Variants in TG observed in about 807,000 individuals in gnomAD.
TG encodes the protein thyroid hormones.
Under a neutral mutation model 324.7 loss-of-function variants are expected in TG, and 270 were observed. The ratio of observed to expected loss-of-function variants is 0.83; its 90% CI spans 0.75 to 0.92. The LOEUF is 0.92. TG is among the 40% of genes least tolerant of loss of function. The pLI is 0.00. For missense variants in TG, 3,591 were observed against 3,456.4 expected (o/e 1.04, Z -0.98); for synonymous variants, 1,401 against 1,327.0 (o/e 1.06, Z -1.21).
intron 41 of TG, among the ~76,000 whole-genome samples, chr8:133,090,356 C>G (rs1236058981): frequency 6.6e-6 from 1 of 152,168 alleles, no homozygotes; most frequent in Non-Finnish European, 1.5e-5. Context: ...GAGAATTTCT[C>G]CCTGAAAAGA....
chr8:132,937,838 G>T (rs899213676), intron 25 of TG, among the ~76,000 whole-genome samples: 1 of 151,614 alleles, frequency 6.6e-6, no homozygotes, highest in Non-Finnish European at 1.5e-5. Context: ...CTGAAAGTTT[G>T]TACTTTGGGG....
At chr8:133,069,757 T>G (rs950188522) in intron 41 of TG, among the ~76,000 whole-genome samples, 4 of 151,704 alleles carry the variant, frequency 2.6e-5, no homozygotes, top group Non-Finnish European at 4.4e-5. Flanking sequence ...TCCCAGCACT[T>G]TAGGAGGCTG....
At chr8:132,867,181 A>T in intron 1 of TG, 114 bp downstream of exon 1, 1 of 938,972 alleles carries the variant, frequency 1.1e-6, no homozygotes, top group Non-Finnish European at 1.6e-6. Context: ...AAATTCCCAC[A>T]TGTCAGTGAT....
At chr8:132,953,464 G>A (rs1485190745) in intron 27 of TG, among the ~76,000 whole-genome samples, 1 of 152,194 alleles carries the variant, frequency 6.6e-6, no homozygotes, top group Non-Finnish European at 1.5e-5. Context: ...GCCCACCTTA[G>A]TGGACTGACA....
At chr8:133,108,970 G>C (rs141963103) in intron 43 of TG, among the ~76,000 whole-genome samples, 1 of 152,180 alleles carries the variant, frequency 6.6e-6, no homozygotes, top group South Asian at 2.1e-4. Context: ...TGCATGTTTC[G>C]TTGGGATCTG....
At chr8:133,107,987 T>TCTTTTCCTC (rs1564199219) in intron 43 of TG, among the ~76,000 whole-genome samples, 19 of 139,918 alleles carry the variant, frequency 1.4e-4, no homozygotes, top group South Asian at 7.0e-4. Context: ...TTCTTCTTTT[T>TCTTTTCCTC]TTTTTTTTTT....
chr8:132,998,978 A>G (rs1026247503), intron 35 of TG, among the ~76,000 whole-genome samples: 28 of 152,174 alleles, frequency 1.8e-4, no homozygotes, highest in African/African-American at 6.8e-4. Context: ...ATGACTAGGC[A>G]TTCTCAGTTA....
rs930224761 is a variant in TG, at chr8:133,013,886, G to C, written c.6562+122G>C. The C allele has an allele frequency of 2.5e-6, 3 of 1,203,614 alleles. No homozygotes were observed. The African/African-American group carries it at 4.5e-5, about 18-fold the overall frequency. 74.6% of individuals were successfully genotyped at this position (1,203,614 alleles called of 1,614,324 possible). On this transcript the variant is annotated intron_variant, in intron 37 of 47. Coordinates refer to ENST00000220616, the MANE Select transcript of TG (RefSeq NM_003235.5). ...GTTGGCCAAAGTTCTGGGCTAGGTG[G>C]CACTCACTTGAGGTAGACTGAAGGA...
chr8:133,049,464 GTCGTT>G (rs1840026154), intron 41 of TG: 1 of 286,874 alleles, frequency 3.5e-6, no homozygotes. Context: ...TATTATCCCT[GTCGTT>G]CTATGTTATG....
At chr8:133,112,094 TCACCCAGGAGTGGCTGTGCC>T (rs61380145) in intron 43 of TG, among the ~76,000 whole-genome samples, 148,514 of 149,222 alleles carry the variant, frequency 1, 73,907 homozygotes, top group Middle Eastern at 1. Flanking sequence ...GTGGTTGTGT[TCACCCAGGAGTGGCTGTGCC>T]CACCCAGGAG....
At chr8:133,131,026 C>T (rs535537353) in intron 45 of TG, among the ~76,000 whole-genome samples, 5 of 152,292 alleles carry the variant, frequency 3.3e-5, no homozygotes, top group Admixed American at 2.6e-4. Context: ...TCAACAAGAC[C>T]GGCAGTGGGG....
intron 47 of TG, among the ~76,000 whole-genome samples, chr8:133,134,141 G>A (rs1852170482): frequency 6.6e-6 from 1 of 152,200 alleles, no homozygotes. Context: ...TGGGAATAGA[G>A]AGTAAACACA....
chr8:133,067,199 G>A (rs1375030085), intron 41 of TG, among the ~76,000 whole-genome samples: 3 of 152,178 alleles, frequency 2.0e-5, no homozygotes, highest in Admixed American at 6.5e-5. Context: ...CTCTGAGTGC[G>A]AGGCTGGGGG....
chr8:132,944,017 G>T (rs2739073), intron 26 of TG, among the ~76,000 whole-genome samples: 85,863 of 151,904 alleles, frequency 0.57, 24,757 homozygotes, highest in Admixed American at 0.62. Context: ...ATCCATACAC[G>T]CATCTGCTGT....
intron 26 of TG, among the ~76,000 whole-genome samples, chr8:132,948,296 CGAGAGCGAGAGT>C (rs377280888): frequency 4.7e-5 from 7 of 150,234 alleles, no homozygotes; most frequent in Admixed American, 6.6e-5. Context: ...CGAGAGTGAG[CGAGAGCGAGAGT>C]GAGAGCGAGA....
chr8:132,886,312 A>C, intron 8 of TG, 136 bp from the exon 9 acceptor site: 1 of 1,248,364 alleles, frequency 8.0e-7, no homozygotes, highest in South Asian at 1.3e-5. Flanking sequence ...AATGACACAG[A>C]GAAGAAAGTG....
Position 132,882,596 on chromosome 8 carries a change from C to A in TG, c.873C>A (p.Ile291=). 1 of 1,614,244 alleles carries A rather than the reference C, an allele frequency of 6.2e-7. No homozygotes were observed. Among genetic ancestry groups the A allele is most frequent in the Middle Eastern group, 1.6e-4 (1 of 6,062 alleles). ...QRRFLAVQSV[I]SGRFRCPTKC... is the part of the protein sequence containing the mutation. ...GGTTCCTCGCAGTTCAATCAGTCAT[C>A]TCTGGCAGATTCCGATGTAAGTAAT... The change falls in exon 7 of 48, where the codon ATC becomes ATA. Residue 291 remains isoleucine (I), a synonymous_variant. Transcript: ENST00000220616.
intron 37 of TG, among the ~76,000 whole-genome samples, chr8:133,014,573 T>G (rs756828825): frequency 2.0e-5 from 3 of 152,270 alleles, no homozygotes; most frequent in Non-Finnish European, 4.4e-5. Context: ...AATCAGCTGC[T>G]ATTGTAGCAT....
intron 41 of TG, among the ~76,000 whole-genome samples, chr8:133,053,705 C>A (rs1840851024): frequency 6.6e-6 from 1 of 152,104 alleles, no homozygotes; most frequent in South Asian, 2.1e-4. Context: ...AAAACAAAAA[C>A]CAACAGAAAC....
Sources: gnomAD v4.1 joint callset for allele counts (sites outside exome capture counted in the v4.1 genomes callset) on GRCh38, gnomAD v4.1.1 for gene constraint, MANE v1.5 for transcripts, NCBI Gene and HGNC (gene_info 2026-07-23, HGNC 2026-07-21) for gene names.